The following ZGPAT variants were observed in gnomAD, a reference collection of about 807,000 sequenced individuals.
The protein encoded by ZGPAT is zinc finger CCCH-type and G-patch domain containing.
ZGPAT carries 39 observed loss-of-function variants against 47.9 expected under a neutral mutation model. That is an observed-to-expected ratio of 0.81 (90% CI 0.63 to 1.06). The LOEUF is 1.06. Among genes scored for constraint, ZGPAT ranks in the 50% least tolerant of loss-of-function variants. The pLI, the probability that ZGPAT is intolerant of heterozygous loss-of-function variation, is 0.00. For missense variants in ZGPAT, 717 were observed against 681.4 expected, an observed-to-expected ratio of 1.05 and a Z score of -0.58; for synonymous variants, 348 against 292.9, an observed-to-expected ratio of 1.19 and a Z score of -1.92.
intron 2 of ZGPAT, among the ~76,000 whole-genome samples, chr20:63,726,515 T>TTTTGTTTGTTTG (rs56397565): frequency 2.0e-5 from 3 of 146,882 alleles, no homozygotes; most frequent in South Asian, 2.2e-4. Context: ...TTAATAGGCT[T>TTTTGTTTGTTTG]TTTGTTTGTT....
chr20:63,726,561 C>T (rs1203511787), intron 2 of ZGPAT, among the ~76,000 whole-genome samples: 5 of 151,486 alleles, frequency 3.3e-5, no homozygotes, highest in Non-Finnish European at 4.4e-5. Flanking sequence ...CTTGCTCTGT[C>T]GCCCAGGCTG....
chr20:63,718,330 CTTT>C (rs2091752574), intron 2 of ZGPAT, among the ~76,000 whole-genome samples: 2 of 98,770 alleles, frequency 2.0e-5, no homozygotes, highest in African/African-American at 2.9e-5. Flanking sequence ...AAAAGTTTTT[CTTT>C]CTTTCTTTTT....
intron 2 of ZGPAT, among the ~76,000 whole-genome samples, chr20:63,722,598 C>T (rs767917487): frequency 6.6e-6 from 1 of 152,040 alleles, no homozygotes; most frequent in Non-Finnish European, 1.5e-5. Flanking sequence ...TAACTTACCA[C>T]AATGTACTTC....
intron 2 of ZGPAT, among the ~76,000 whole-genome samples, chr20:63,727,669 CAAA>C (rs746126031): frequency 6.5e-5 from 3 of 45,886 alleles, no homozygotes; most frequent in Admixed American, 4.5e-4. Context: ...GACTCGGTCT[CAAA>C]AAAAAAAAAA....
chr20:63,724,072 CAGAAGTAAAGGGA>C (rs2091817883), intron 2 of ZGPAT, among the ~76,000 whole-genome samples: 1 of 151,820 alleles, frequency 6.6e-6, no homozygotes, highest in Admixed American at 6.6e-5. Flanking sequence ...GATCTTATCT[CAGAAGTAAAGGGA>C]CTAGGAATGG....
In ZGPAT at chr20:63,714,654, T is replaced by A. The variant is rs184353111; in HGVS notation, c.584+5490T>A. 5.1e-4 allele frequency among the ~76,000 whole-genome samples: 78 copies of A among 152,152 alleles called. 1 individual carries two copies. In the East Asian group the frequency reaches 0.012, roughly 24 times the overall value. On this transcript the variant is annotated intron_variant, in intron 2 of 6. Transcript: ENST00000355969. ...TTTATCATGAAAGGGTGTTGATTTT[T>A]TTTTTAAAGATAGGGTCTTGTTCTG...
At chr20:63,733,857 A>G in intron 4 of ZGPAT, 118 bp downstream of exon 4, 1 of 1,394,324 alleles carries the variant, frequency 7.2e-7, no homozygotes, top group East Asian at 2.4e-5. Flanking sequence ...GACTGCGGCG[A>G]GGGTGCCACC....
chr20:63,723,346 TCC>T (rs1486315359), intron 2 of ZGPAT, among the ~76,000 whole-genome samples: 3 of 120,074 alleles, frequency 2.5e-5, no homozygotes, highest in African/African-American at 9.8e-5. Context: ...CACAGCTCCA[TCC>T]TCCCTTCTCC....
At chr20:63,728,191 C>T (rs2091863511) in intron 2 of ZGPAT, among the ~76,000 whole-genome samples, 1 of 152,032 alleles carries the variant, frequency 6.6e-6, no homozygotes, top group South Asian at 2.1e-4. Flanking sequence ...TGTGTGCCAC[C>T]ATGCCTGGCT....
chr20:63,709,841 C>T (rs1190845488), intron 2 of ZGPAT, among the ~76,000 whole-genome samples: 2 of 151,796 alleles, frequency 1.3e-5, no homozygotes, highest in Non-Finnish European at 2.9e-5. Context: ...CTACACCCAG[C>T]TAATTTTTAT....
chr20:63,711,366 C>G (rs2091665929), intron 2 of ZGPAT, among the ~76,000 whole-genome samples: 1 of 152,146 alleles, frequency 6.6e-6, no homozygotes, highest in Non-Finnish European at 1.5e-5. Context: ...TGTAGGTAGG[C>G]CCTGCAGTCA....
Position 63,725,692 on chromosome 20 carries a change from T to A in ZGPAT, c.585-7527T>A, listed in dbSNP as rs73622881. ...AGTTTTTACTCATCATTTCAACAAA[T>A]TTTTTTCCTGCCCCTCTCTCATCTC... On this transcript the variant is annotated intron_variant, in intron 2 of 6. Transcript: ENST00000355969. Among the ~76,000 whole-genome samples, 51 of 152,024 alleles carry A rather than the reference T, an allele frequency of 3.4e-4. 1 individual carries two copies. The East Asian group carries it at 9.5e-3, about 28-fold the overall frequency.
chr20:63,726,255 A>G (rs1222892792), intron 2 of ZGPAT, among the ~76,000 whole-genome samples: 4 of 145,944 alleles, frequency 2.7e-5, no homozygotes, highest in East Asian at 2.0e-4. Context: ...CTGGAGTGCA[A>G]TGGCGCGATC....
chr20:63,713,935 G>T (rs1355145555), intron 2 of ZGPAT, among the ~76,000 whole-genome samples: 2 of 150,830 alleles, frequency 1.3e-5, no homozygotes, highest in Non-Finnish European at 2.9e-5. Context: ...TTGCTGAATT[G>T]GTTTATTAGT....
chr20:63,731,295 AC>A (rs1310528529), intron 2 of ZGPAT, among the ~76,000 whole-genome samples: 2 of 140,810 alleles, frequency 1.4e-5, no homozygotes, highest in Non-Finnish European at 3.2e-5. Context: ...TGTGTGTGAG[AC>A]TGTGTGTGTG....
rs774274621 is a variant in ZGPAT at position 63,735,168 on chromosome 20, G to C, written c.1001G>C (p.Arg334Pro). Residue 334 changes from arginine to proline, a missense_variant, in exon 6 of 7, where the codon CGA (arginine) becomes CCA (proline). Physicochemically the swap from Arg to Pro is moderately radical, Grantham distance 103. Coordinates refer to ENST00000355969, the MANE Select transcript of ZGPAT (RefSeq NM_181485.3). ...MGYEFGKGLG[R>P]HAEGRVEPIH... is the part of the protein sequence containing the mutation. Reference sequence around the variant, plus strand: ...CCCCGTGCCTCCGCAGGTTTGGGCCGACACGCGGAAGGCCGGGTGGAGCCC... The same window carrying C: ...CCCCGTGCCTCCGCAGGTTTGGGCCCACACGCGGAAGGCCGGGTGGAGCCC... 2.0e-6 allele frequency: 3 copies of C among 1,514,076 alleles called. No individual in the cohort carries two copies. Among genetic ancestry groups the C allele is most frequent in the Non-Finnish European group, 2.7e-6 (3 of 1,131,470 alleles). 93.8% of individuals were successfully genotyped at this position (1,514,076 alleles called of 1,614,324 possible).
Position 63,733,728 on chromosome 20 carries a change from G to T in ZGPAT, c.860G>T (p.Ser287Ile), listed in dbSNP as rs140656554. ...DSDSDGTGDS[S>I]YARVVGSDAV... is the part of the protein sequence containing the mutation. Reference sequence around the variant, plus strand: ...GACAGCGACGGTACGGGTGACTCCAGCTATGCCAGAGGTATGGCAGCAGCT... The same window carrying T: ...GACAGCGACGGTACGGGTGACTCCATCTATGCCAGAGGTATGGCAGCAGCT... The change falls in exon 4 of 7, where the codon AGC (serine) becomes ATC (isoleucine). Residue 287 changes from serine to isoleucine, a missense_variant. Transcript: ENST00000355969. 6.1e-4 allele frequency: 986 copies of T among 1,611,826 alleles called. 3 individuals carry two copies. In the African/African-American group the frequency reaches 0.012, roughly 20 times the overall value.
At position 63,710,874 on chromosome 20, in the gene ZGPAT, C is replaced by G. The variant is rs184732495; in HGVS notation, c.584+1710C>G. Reference sequence around the variant, plus strand: ...ATTATTACTGTAATGTCTCTATTTCCCTAAGCGCATAGCTTTATTTTTCCT... The same window carrying G: ...ATTATTACTGTAATGTCTCTATTTCGCTAAGCGCATAGCTTTATTTTTCCT... On this transcript the variant is annotated intron_variant, in intron 2 of 6. Coordinates refer to ENST00000355969, the MANE Select transcript of ZGPAT (RefSeq NM_181485.3). 2.8e-3 allele frequency among the ~76,000 whole-genome samples: 427 copies of G among 152,272 alleles called. 2 individuals carry two copies. Among genetic ancestry groups the G allele is most frequent in the Non-Finnish European group, 4.8e-3 (326 of 68,024 alleles).
intron 4 of ZGPAT, chr20:63,734,123 GGTT>G: frequency 3.4e-6 from 1 of 294,464 alleles, no homozygotes. Flanking sequence ...GGCAGACAGA[GGTT>G]GTGTCCAGAC....
Sources: gnomAD v4.1 joint callset for allele counts (sites outside exome capture counted in the v4.1 genomes callset) on GRCh38, gnomAD v4.1.1 for gene constraint, MANE v1.5 for transcripts, NCBI Gene and HGNC (gene_info 2026-07-23, HGNC 2026-07-21) for gene names.